The following SAMD5 variants were observed in gnomAD, a reference collection of about 807,000 sequenced individuals.
SAMD5 encodes sterile alpha motif domain containing 5, also known as sterile alpha motif domain-containing protein 5.
Under a neutral mutation model 11.3 loss-of-function variants are expected in SAMD5, and 13 were observed. The observed-to-expected ratio is 1.15, with a 90% CI of 0.75 to 1.83. The LOEUF is 1.83. Ranked by LOEUF, SAMD5 falls within the 40% of genes most tolerant of loss-of-function variation. SAMD5 has a pLI of 0.00. For missense variants in SAMD5, 255 were observed against 239.1 expected (o/e 1.07, Z -0.44); for synonymous variants, 129 against 111.3 (o/e 1.16, Z -1.00).
the SAMD5 span, among the ~76,000 whole-genome samples, chr6:147,856,510 A>G: frequency 6.6e-6 from 1 of 152,230 alleles, no homozygotes; most frequent in Non-Finnish European, 1.5e-5. Flanking sequence ...GAATTTATTC[A>G]TAAATGTTTT....
intron 1 of SAMD5, among the ~76,000 whole-genome samples, chr6:147,587,975 T>C (rs1470248157): frequency 6.6e-6 from 1 of 152,220 alleles, no homozygotes; most frequent in Non-Finnish European, 1.5e-5. Flanking sequence ...TTTCAAAATA[T>C]GTCGTGGATC....
the SAMD5 span, among the ~76,000 whole-genome samples, chr6:147,797,772 C>T: frequency 1.4e-5 from 2 of 146,042 alleles, no homozygotes; most frequent in Non-Finnish European, 3.0e-5. Flanking sequence ...TTCAGAGATT[C>T]AACTTCTTCC....
chr6:147,872,811 G>A, the SAMD5 span, among the ~76,000 whole-genome samples: 1 of 152,102 alleles, frequency 6.6e-6, no homozygotes, highest in Non-Finnish European at 1.5e-5. Flanking sequence ...ACAAATGGAT[G>A]GGTCAGTACC....
At chr6:147,721,342 AC>A (rs1166744312) in intron 1 of SAMD5, among the ~76,000 whole-genome samples, 1 of 151,518 alleles carries the variant, frequency 6.6e-6, no homozygotes, top group Non-Finnish European at 1.5e-5. Context: ...CTATTTCTCC[AC>A]ATCCTCTCCA....
the SAMD5 span, among the ~76,000 whole-genome samples, chr6:147,918,909 G>C: frequency 6.6e-6 from 1 of 152,136 alleles, no homozygotes; most frequent in East Asian, 1.9e-4. Flanking sequence ...GTTTCACCGT[G>C]TTAGCCAGGA....
At chr6:147,766,003 T>G in the SAMD5 span, among the ~76,000 whole-genome samples, 1 of 150,552 alleles carries the variant, frequency 6.6e-6, no homozygotes, top group African/African-American at 2.4e-5. Context: ...ATCTAATATA[T>G]ACAAATATTT....
chr6:147,862,889 G>A, the SAMD5 span, among the ~76,000 whole-genome samples: 2 of 152,132 alleles, frequency 1.3e-5, no homozygotes, highest in Non-Finnish European at 2.9e-5. Flanking sequence ...ATTTTAGTCT[G>A]AGTCTAAAGA....
intron 1 of SAMD5, among the ~76,000 whole-genome samples, chr6:147,579,609 G>A (rs2128446096): frequency 6.6e-6 from 1 of 152,088 alleles, no homozygotes; most frequent in African/African-American, 2.4e-5. Flanking sequence ...GGGACTACAG[G>A]CATATGCCTG....
At chr6:147,727,091 G>A (rs1329837953) in intron 1 of SAMD5, among the ~76,000 whole-genome samples, 1 of 152,164 alleles carries the variant, frequency 6.6e-6, no homozygotes, top group East Asian at 1.9e-4. Flanking sequence ...CCTTAATGGA[G>A]TATCCTGTGT....
chr6:147,891,357 G>T, the SAMD5 span, among the ~76,000 whole-genome samples: 2 of 152,074 alleles, frequency 1.3e-5, no homozygotes, highest in Non-Finnish European at 2.9e-5. Flanking sequence ...AAAATGAAAA[G>T]AAGGAAAAAA....
chr6:147,949,086 G>A, the SAMD5 span, among the ~76,000 whole-genome samples: 1 of 152,224 alleles, frequency 6.6e-6, no homozygotes, highest in African/African-American at 2.4e-5. Flanking sequence ...TGTGAACCAA[G>A]ACATTATTTG....
chr6:147,857,856 A>T, the SAMD5 span, among the ~76,000 whole-genome samples: 71 of 152,230 alleles, frequency 4.7e-4, no homozygotes, highest in Non-Finnish European at 5.0e-4. Context: ...TTTGGATACC[A>T]CTGCCCTTAC....
rs189095875 is a variant in SAMD5, at chr6:147,598,345, A to T, written c.162+88958A>T. On this transcript the variant is annotated intron_variant, in intron 1 of 1. Transcript: ENST00000566741. ...GCACCATGTTTCCCAGCTGGTCTCCAACTTCTGAGCTCAAGTGACATGCCC... is the reference window on the plus strand; with the variant it reads ...GCACCATGTTTCCCAGCTGGTCTCCTACTTCTGAGCTCAAGTGACATGCCC... Among the ~76,000 whole-genome samples the T allele has an allele frequency of 8.5e-5, 13 of 152,246 alleles. No homozygotes were observed. In the East Asian group the frequency reaches 1.9e-3, roughly 23 times the overall value.
the SAMD5 span, among the ~76,000 whole-genome samples, chr6:147,768,146 A>G: frequency 6.6e-6 from 1 of 152,202 alleles, no homozygotes; most frequent in Non-Finnish European, 1.5e-5. Flanking sequence ...TGGTGATGGT[A>G]TATACAGCTA....
At chr6:147,647,762 T>C (rs1790426862) in intron 1 of SAMD5, among the ~76,000 whole-genome samples, 1 of 152,172 alleles carries the variant, frequency 6.6e-6, no homozygotes, top group Non-Finnish European at 1.5e-5. Context: ...ATCAGCACCC[T>C]TCAGAATTCA....
the SAMD5 span, among the ~76,000 whole-genome samples, chr6:147,764,571 A>G: frequency 6.6e-6 from 1 of 152,128 alleles, no homozygotes. Context: ...AATCATTACT[A>G]CAAGTCTGGA....
chr6:147,613,871 C>T lies in SAMD5; in HGVS notation c.162+104484C>T, dbSNP rs189993969. Among the ~76,000 whole-genome samples the T allele has an allele frequency of 5.5e-3, 841 of 152,032 alleles. 6 individuals are homozygous for T. Among genetic ancestry groups the T allele is most frequent in the Non-Finnish European group, 8.9e-3 (608 of 68,028 alleles). Reference sequence around the variant, plus strand: ...CCCTCTGTCCTCCGTGGCTCCGCCTCCCAGCTGCATTCATCCACCAAGTCT... The same window carrying T: ...CCCTCTGTCCTCCGTGGCTCCGCCTTCCAGCTGCATTCATCCACCAAGTCT... On this transcript the variant is annotated intron_variant, in intron 1 of 1. Coordinates refer to the SAMD5 transcript ENST00000566741.
chr6:147,943,773 A>C, the SAMD5 span, among the ~76,000 whole-genome samples: 3 of 152,084 alleles, frequency 2.0e-5, no homozygotes, highest in African/African-American at 7.2e-5. Flanking sequence ...AGGACTCAGA[A>C]ATCTCACTCC....
the SAMD5 span, among the ~76,000 whole-genome samples, chr6:147,924,856 A>G: frequency 6.6e-6 from 1 of 151,948 alleles, no homozygotes; most frequent in Non-Finnish European, 1.5e-5. Context: ...AAATACTTTC[A>G]ACCCCATCTC....
Sources: gnomAD v4.1 joint callset for allele counts (sites outside exome capture counted in the v4.1 genomes callset) on GRCh38, gnomAD v4.1.1 for gene constraint, MANE v1.5 for transcripts, NCBI Gene and HGNC (gene_info 2026-07-23, HGNC 2026-07-21) for gene names.